RNGTT: variants seen among roughly 807,000 people sequenced by gnomAD.
RNGTT encodes the protein RNA guanylyltransferase and 5'-phosphatase.
A neutral mutation model predicts 79.3 loss-of-function variants in RNGTT; 33 were observed. That is an observed-to-expected ratio of 0.42 (90% CI 0.32 to 0.56). The LOEUF is 0.56. RNGTT is among the 20% of genes least tolerant of loss of function. RNGTT has a pLI of 0.17. For synonymous variants in RNGTT, 222 were observed against 235.9 expected (o/e 0.94, Z 0.54); for missense variants, 497 against 739.1 (o/e 0.67, Z 3.80).
At chr6:88,801,026 C>T (rs1779765363) in intron 12 of RNGTT, among the ~76,000 whole-genome samples, 1 of 152,188 alleles carries the variant, frequency 6.6e-6, no homozygotes, top group Non-Finnish European at 1.5e-5. Context: ...TAAAATACAA[C>T]TTACTTCAAA....
At chr6:88,771,769 A>G (rs1477631342) in intron 12 of RNGTT, among the ~76,000 whole-genome samples, 2 of 152,206 alleles carry the variant, frequency 1.3e-5, no homozygotes. Context: ...CTTTTGTTAA[A>G]TGTATTCCTA....
chr6:88,652,939 G>A (rs532108496), intron 14 of RNGTT, among the ~76,000 whole-genome samples: 30 of 152,252 alleles, frequency 2.0e-4, no homozygotes, highest in African/African-American at 7.2e-4. Context: ...CTGAAGGAAT[G>A]ATTTTTCTCC....
intron 13 of RNGTT, among the ~76,000 whole-genome samples, chr6:88,730,995 A>G (rs1198564941): frequency 1.3e-5 from 2 of 152,258 alleles, no homozygotes; most frequent in Non-Finnish European, 1.5e-5. Context: ...TAAAAGACTG[A>G]TATTTTGTCA....
chr6:88,922,174 G>T (rs1350317668), intron 4 of RNGTT, among the ~76,000 whole-genome samples: 1 of 151,868 alleles, frequency 6.6e-6, no homozygotes, highest in Non-Finnish European at 1.5e-5. Flanking sequence ...CAAGTAGCTG[G>T]GACTACAGGC....
chr6:88,930,549 TA>T (rs140509265), intron 2 of RNGTT, among the ~76,000 whole-genome samples: 8 of 151,822 alleles, frequency 5.3e-5, no homozygotes, highest in East Asian at 1.9e-4. Context: ...GTAAATTGTT[TA>T]AAAAAAAGTT....
At chr6:88,637,305 A>G (rs867769460) in intron 14 of RNGTT, among the ~76,000 whole-genome samples, 39 of 152,220 alleles carry the variant, frequency 2.6e-4, no homozygotes, top group Middle Eastern at 3.4e-3. Flanking sequence ...CTTATTCAAT[A>G]TATTCTTTAG....
intron 4 of RNGTT, among the ~76,000 whole-genome samples, chr6:88,921,222 T>C (rs1444731094): frequency 1.3e-5 from 2 of 152,122 alleles, no homozygotes; most frequent in Non-Finnish European, 2.9e-5. Flanking sequence ...TAGTAAACAT[T>C]TGTGATGTGG....
At chr6:88,636,475 TCTTACTCCAAAG>T (rs1312419259) in intron 14 of RNGTT, among the ~76,000 whole-genome samples, 3 of 152,214 alleles carry the variant, frequency 2.0e-5, no homozygotes, top group South Asian at 2.1e-4. Flanking sequence ...ACTTACTTCC[TCTTACTCCAAAG>T]CTTACTCCAA....
At chr6:88,884,751 A>G (rs1487040727) in intron 8 of RNGTT, among the ~76,000 whole-genome samples, 1 of 152,214 alleles carries the variant, frequency 6.6e-6, no homozygotes, top group African/African-American at 2.4e-5. Context: ...GTTTGGCAGG[A>G]AGAGAGAAAA....
intron 8 of RNGTT, among the ~76,000 whole-genome samples, chr6:88,854,750 T>C (rs187281959): frequency 6.6e-6 from 1 of 152,330 alleles, no homozygotes; most frequent in Admixed American, 6.5e-5. Flanking sequence ...GGGGAATTCA[T>C]ACACTTAACA....
intron 8 of RNGTT, among the ~76,000 whole-genome samples, chr6:88,879,239 C>CA (rs1222153127): frequency 6.6e-6 from 1 of 151,974 alleles, no homozygotes; most frequent in Non-Finnish European, 1.5e-5. Flanking sequence ...ACTAAAAATG[C>CA]AAAAAATAGA....
chr6:88,715,120 C>A (rs2127809584), intron 13 of RNGTT, among the ~76,000 whole-genome samples: 1 of 152,152 alleles, frequency 6.6e-6, no homozygotes, highest in East Asian at 1.9e-4. Flanking sequence ...AGCAAAGTCT[C>A]AGGATACAAA....
intron 11 of RNGTT, among the ~76,000 whole-genome samples, chr6:88,803,576 C>CA (rs146140117): frequency 0.09 from 4,998 of 55,496 alleles, 603 homozygotes; most frequent in African/African-American, 0.26. Context: ...GACTCCATCT[C>CA]AAAAAAAAAA....
At chr6:88,837,290 G>A (rs964334204) in intron 11 of RNGTT, among the ~76,000 whole-genome samples, 3 of 152,012 alleles carry the variant, frequency 2.0e-5, no homozygotes, top group African/African-American at 7.2e-5. Flanking sequence ...CCAGCTACTC[G>A]GGAGGCTGAG....
intron 14 of RNGTT, among the ~76,000 whole-genome samples, chr6:88,646,711 G>A (rs1773576137): frequency 1.3e-5 from 2 of 152,066 alleles, no homozygotes; most frequent in African/African-American, 4.8e-5. Context: ...GTTGAAGCTG[G>A]AAACCATCAT....
At chr6:88,707,876 C>T (rs1776190362) in intron 13 of RNGTT, among the ~76,000 whole-genome samples, 1 of 151,730 alleles carries the variant, frequency 6.6e-6, no homozygotes, top group African/African-American at 2.4e-5. Flanking sequence ...AAAAGGCCTT[C>T]TAGGATGTAG....
At chr6:88,788,950 T>C (rs73754827) in intron 12 of RNGTT, among the ~76,000 whole-genome samples, 54 of 152,348 alleles carry the variant, frequency 3.5e-4, no homozygotes, top group African/African-American at 1.3e-3. Context: ...AAGTAAACTA[T>C]GTCCAATTAT....
rs564000299 is a variant in RNGTT at position 88,811,876 on chromosome 6, T to A, written c.1270-10244A>T. The stretch of plus-strand genomic sequence containing the variant: ...TAACTTCTATCTCTTGACTCTTTTA[T>A]GTGCTTTCATAACTCCCCACAAATC... On this transcript the variant is annotated intron_variant, in intron 11 of 15. Coordinates refer to ENST00000369485, the MANE Select transcript of RNGTT (RefSeq NM_003800.5). 1.7e-4 allele frequency among the ~76,000 whole-genome samples: 26 copies of A among 152,286 alleles called. No homozygotes were observed. The South Asian group carries it at 3.3e-3, about 19-fold the overall frequency.
At chr6:88,709,526 C>T (rs1347362146) in intron 13 of RNGTT, among the ~76,000 whole-genome samples, 4 of 152,024 alleles carry the variant, frequency 2.6e-5, no homozygotes, top group Non-Finnish European at 5.9e-5. Flanking sequence ...TTTAATAGTG[C>T]TATCTAGAAA....
Sources: gnomAD v4.1 joint callset for allele counts (sites outside exome capture counted in the v4.1 genomes callset) on GRCh38, gnomAD v4.1.1 for gene constraint, MANE v1.5 for transcripts, NCBI Gene and HGNC (gene_info 2026-07-23, HGNC 2026-07-21) for gene names.